The following PLB1 variants were observed in gnomAD, a reference collection of about 807,000 sequenced individuals.
PLB1 encodes the protein phospholipase B1, also known as phospholipase B1, membrane-associated.
PLB1 carries 242 observed loss-of-function variants against 227.4 expected under a neutral mutation model. That is an observed-to-expected ratio of 1.06 (90% confidence interval 0.96 to 1.18). PLB1 has a LOEUF of 1.18. Among genes scored for constraint, PLB1 ranks in the 50% most tolerant of loss-of-function variants. PLB1 has a pLI of 0.00. For synonymous variants in PLB1, 757 were observed against 682.2 expected (o/e 1.11, Z -1.71); for missense variants, 1,858 against 1,816.3 (o/e 1.02, Z -0.42).
intron 29 of PLB1, among the ~76,000 whole-genome samples, chr2:28,590,633 CTG>C (rs2148283779): frequency 6.6e-6 from 1 of 152,208 alleles, no homozygotes; most frequent in East Asian, 1.9e-4. Context: ...AAGAATCCCT[CTG>C]TATACCCAGA....
intron 44 of PLB1, among the ~76,000 whole-genome samples, chr2:28,614,368 G>A (rs930310559): frequency 2.6e-5 from 4 of 152,192 alleles, no homozygotes; most frequent in South Asian, 2.1e-4. Context: ...GCTCACAGAC[G>A]TGGTTACTGC....
chr2:28,594,192 C>A, intron 33 of PLB1: 1 of 381,828 alleles, frequency 2.6e-6, no homozygotes, highest in Non-Finnish European at 5.4e-6. Flanking sequence ...GCACAGAAAA[C>A]CTCTGAAACC....
At chr2:28,558,066 A>C (rs893632900) in intron 17 of PLB1, among the ~76,000 whole-genome samples, 21 of 152,244 alleles carry the variant, frequency 1.4e-4, no homozygotes, top group Middle Eastern at 3.4e-3. Flanking sequence ...GACGTCAGGC[A>C]CTTTCAGGGC....
chr2:28,552,816 C>G (rs1431080789), intron 16 of PLB1, 112 bp from the exon 17 acceptor site: 2 of 848,206 alleles, frequency 2.4e-6, no homozygotes, highest in East Asian at 2.5e-5. Context: ...TAAATGACAT[C>G]AAAGTTTTAC....
intron 53 of PLB1, 91 bp downstream of exon 53, chr2:28,629,276 C>G: frequency 8.5e-7 from 1 of 1,172,174 alleles, no homozygotes; most frequent in Non-Finnish European, 1.2e-6. Context: ...GAGGCAGAGC[C>G]AGGCAGGCCT....
At chr2:28,525,874 C>G in intron 5 of PLB1, 31 bp from the exon 6 acceptor site, 1 of 1,613,318 alleles carries the variant, frequency 6.2e-7, no homozygotes, top group Admixed American at 1.7e-5. Flanking sequence ...CAAATGCAGC[C>G]TGACACTCAC....
intron 1 of PLB1, among the ~76,000 whole-genome samples, chr2:28,496,651 T>G (rs1666480141): frequency 6.6e-6 from 1 of 152,216 alleles, no homozygotes; most frequent in Non-Finnish European, 1.5e-5. Flanking sequence ...ATTGCCTACA[T>G]TCTTTAGTGC....
At chr2:28,584,759 T>G (rs1048909642) in intron 25 of PLB1, among the ~76,000 whole-genome samples, 1 of 152,166 alleles carries the variant, frequency 6.6e-6, no homozygotes, top group African/African-American at 2.4e-5. Flanking sequence ...CCTGCTGTTA[T>G]CACCTCATCC....
rs1210427026 is a variant in PLB1 at position 28,630,615 on chromosome 2, A to C, written c.3848A>C (p.Gln1283Pro). Residue 1283 changes from glutamine to proline, a missense_variant, in exon 54 of 58, where the codon CAA becomes CCA. By Grantham distance (76) the Gln-to-Pro change is moderately conservative (BLOSUM62 -1). Transcript: ENST00000327757. ...QNNCTCLRHS[Q>P]SSLEKQELKK... The stretch of plus-strand genomic sequence containing the variant: ...AACTGCACTTGCCTCAGACACTCGC[A>C]AAGCTCCCTGGAGAAGCAAGAACTG... The C allele has an allele frequency of 1.2e-6, 2 of 1,613,766 alleles. No homozygotes were observed. The highest frequency in any genetic ancestry group is 8.5e-7 in the Non-Finnish European group (1 of 1,179,856).
Position 28,541,818 on chromosome 2 carries a change from G to C in PLB1, c.879+7G>C. ...CACCCCATCTCTACACTCGGTAAGT[G>C]GGGGCTGCATGGCGTATCAAGAGTG... On this transcript the variant is annotated splice_region_variant and intron_variant, in intron 13 of 57. Coordinates refer to ENST00000327757, the MANE Select transcript of PLB1 (RefSeq NM_153021.5). The C allele has an allele frequency of 6.2e-7, 1 of 1,603,752 alleles. No individual in the cohort carries two copies. Among genetic ancestry groups the C allele is most frequent in the Non-Finnish European group, 8.5e-7 (1 of 1,170,870 alleles).
At chr2:28,641,047 TG>T in intron 57 of PLB1, 46 bp downstream of exon 57, 2 of 1,574,522 alleles carry the variant, frequency 1.3e-6, no homozygotes, top group Non-Finnish European at 1.7e-6. Flanking sequence ...ATGCCTGGGG[TG>T]GGGGTTGTCC....
At position 28,643,263 on chromosome 2, in the gene PLB1, T is replaced by C; in HGVS notation, c.*202T>C. The stretch of plus-strand genomic sequence containing the variant: ...TACATTTAAATAAAGTCCAAAGCTA[T>C]TTTATTCCTGGGTTTGCCTGCGTGA... On this transcript the variant is annotated 3_prime_UTR_variant, in exon 58 of 58. Transcript: ENST00000327757. The C allele has an allele frequency of 4.2e-6, 2 of 476,696 alleles. No individual in the cohort carries two copies. The highest frequency in any genetic ancestry group is 3.7e-6 in the Non-Finnish European group (1 of 272,440). The allele number at this position is 476,696 out of a possible 1,614,324, so 29.5% of individuals were successfully genotyped here.
intron 17 of PLB1, among the ~76,000 whole-genome samples, chr2:28,557,677 G>A (rs72861766): frequency 0.021 from 3,213 of 152,260 alleles, 110 homozygotes; most frequent in African/African-American, 0.073. Flanking sequence ...ATCGTGATGA[G>A]TTAATGATGT....
intron 43 of PLB1, among the ~76,000 whole-genome samples, chr2:28,613,583 C>T (rs1393088170): frequency 6.6e-6 from 1 of 151,490 alleles, no homozygotes; most frequent in Non-Finnish European, 1.5e-5. Flanking sequence ...AGGAACCCAA[C>T]CTAAAGAGGA....
intron 32 of PLB1, 55 bp from the exon 33 acceptor site, chr2:28,593,626 C>T: frequency 6.7e-7 from 1 of 1,489,716 alleles, no homozygotes; most frequent in Admixed American, 1.7e-5. Context: ...GCATTCACAG[C>T]CTCCCTGTTC....
At chr2:28,519,665 T>C in intron 3 of PLB1, 40 bp from the exon 4 acceptor site, 2 of 1,470,028 alleles carry the variant, frequency 1.4e-6, no homozygotes, top group Non-Finnish European at 1.9e-6. Context: ...TCATGGGGAA[T>C]GTAGATCTGA....
intron 20 of PLB1, among the ~76,000 whole-genome samples, chr2:28,568,277 T>G (rs1677396824): frequency 6.6e-6 from 1 of 152,226 alleles, no homozygotes; most frequent in African/African-American, 2.4e-5. Flanking sequence ...ATGCAATAGC[T>G]TTCTGGGCTC....
In PLB1 at chr2:28,497,408, A is replaced by C. The variant is rs568992854; in HGVS notation, c.55+1239A>C. 2.0e-5 allele frequency among the ~76,000 whole-genome samples: 3 copies of C among 152,346 alleles called. No homozygotes were observed. In the South Asian group the frequency reaches 6.2e-4, roughly 32 times the overall value. ...ATTCAAAGGCAGGCAGGGGAGTGGG[A>C]AAGTTTCACAGTGGAAAAAAGGGAA... On this transcript the variant is annotated intron_variant, in intron 1 of 57. Coordinates refer to ENST00000327757, the MANE Select transcript of PLB1 (RefSeq NM_153021.5).
intron 41 of PLB1, among the ~76,000 whole-genome samples, chr2:28,605,263 A>G (rs1484750947): frequency 6.6e-6 from 1 of 151,976 alleles, no homozygotes; most frequent in African/African-American, 2.4e-5. Context: ...TCCACTCTGA[A>G]CAGAAGAGAT....
Sources: allele counts gnomAD v4.1 joint callset (sites outside exome capture counted in the v4.1 genomes callset), GRCh38; gene constraint gnomAD v4.1.1; transcripts MANE v1.5; gene names NCBI Gene and HGNC (gene_info 2026-07-23, HGNC 2026-07-21).